The following KIF6 variants were observed in gnomAD, a reference collection of about 807,000 sequenced individuals.
KIF6 encodes kinesin family member 6.
In KIF6, 106 loss-of-function variants were observed where a neutral mutation model predicts 112.7. That is an observed-to-expected ratio of 0.94 (90% CI 0.80 to 1.11). KIF6 has a LOEUF of 1.11. KIF6 is among the 50% of genes least tolerant of loss of function. The pLI, the probability that KIF6 is intolerant of heterozygous loss-of-function variation, is 0.00. For synonymous variants in KIF6, 339 were observed against 339.9 expected, an observed-to-expected ratio of 1.00 and a Z score of 0.03; for missense variants, 929 against 964.0, an observed-to-expected ratio of 0.96 and a Z score of 0.48.
intron 6 of KIF6, among the ~76,000 whole-genome samples, chr6:39,609,345 A>G (rs1328740682): frequency 6.6e-6 from 1 of 152,190 alleles, no homozygotes; most frequent in Non-Finnish European, 1.5e-5. Context: ...CCCTGCAAGC[A>G]GTTTCACAGC....
chr6:39,533,543 G>A (rs1200684005), intron 13 of KIF6, among the ~76,000 whole-genome samples: 2 of 152,240 alleles, frequency 1.3e-5, no homozygotes, highest in Non-Finnish European at 2.9e-5. Context: ...CACAGTTCAA[G>A]GAGGCCTGCC....
At chr6:39,515,418 G>A (rs1452318815) in intron 13 of KIF6, among the ~76,000 whole-genome samples, 1 of 152,132 alleles carries the variant, frequency 6.6e-6, no homozygotes, top group African/African-American at 2.4e-5. Context: ...CCTCTCCTTG[G>A]GCGCAATCAT....
At chr6:39,504,550 A>C (rs547350236) in intron 13 of KIF6, among the ~76,000 whole-genome samples, 15 of 152,340 alleles carry the variant, frequency 9.8e-5, no homozygotes, top group Non-Finnish European at 1.8e-4. Context: ...GAAGAGAAGA[A>C]GTCAAACTAT....
In KIF6 at chr6:39,639,601, G is replaced by A. The variant is rs1422310293; in HGVS notation, c.399+9C>T. 4 of 1,548,504 alleles carry A rather than the reference G, an allele frequency of 2.6e-6. No individual in the cohort carries two copies. The African/African-American group carries it at 5.6e-5, about 22-fold the overall frequency. ...AAATACAAAATGATATGAACGAAAA[G>A]TTTCATACCTTTTGTAACTGTTCAA... is the stretch of plus-strand genomic sequence containing the variant. On this transcript the variant is annotated intron_variant, in intron 4 of 22. Transcript: ENST00000287152.
At chr6:39,514,800 T>C (rs764449769) in intron 13 of KIF6, among the ~76,000 whole-genome samples, 2 of 152,234 alleles carry the variant, frequency 1.3e-5, no homozygotes, top group Non-Finnish European at 2.9e-5. Flanking sequence ...TTTTCTCTAC[T>C]ATTTGGTTTA....
intron 22 of KIF6, 120 bp from the exon 23 acceptor site, chr6:39,336,668 C>T: frequency 1.2e-6 from 1 of 845,342 alleles, no homozygotes; most frequent in Non-Finnish European, 2.0e-6. Flanking sequence ...GGCACTGCAT[C>T]TGTGTCTTGC....
chr6:39,360,712 C>T (rs1765065720), intron 17 of KIF6, among the ~76,000 whole-genome samples, 182 bp from the exon 18 acceptor site: 1 of 152,158 alleles, frequency 6.6e-6, no homozygotes. Context: ...GAGTCCATCA[C>T]AGAGAAGCAG....
chr6:39,467,681 G>C (rs1185267788), intron 13 of KIF6, among the ~76,000 whole-genome samples: 2 of 152,136 alleles, frequency 1.3e-5, no homozygotes, highest in Non-Finnish European at 2.9e-5. Context: ...CCCCAGAAAA[G>C]GTGGGTGGGG....
intron 16 of KIF6, among the ~76,000 whole-genome samples, chr6:39,379,931 T>C (rs958334565): frequency 2.6e-5 from 4 of 152,236 alleles, no homozygotes; most frequent in Admixed American, 6.5e-5. Context: ...GTGAGGATAA[T>C]AGTAACATCT....
intron 13 of KIF6, among the ~76,000 whole-genome samples, chr6:39,441,505 G>A (rs1230757333): frequency 2.0e-5 from 3 of 152,112 alleles, no homozygotes; most frequent in Non-Finnish European, 4.4e-5. Context: ...TCCACCTCCA[G>A]GGTGATGGAG....
At position 39,346,049 on chromosome 6, in the gene KIF6, G is replaced by GCTCTCTCTCTCTCTCTCTCT. The variant is rs1203700665; in HGVS notation, c.2232-280_2232-261dup. Among the ~76,000 whole-genome samples, 21 of 29,004 alleles carry GCTCTCTCTCTCTCTCTCTCT rather than the reference G, an allele frequency of 7.2e-4. 5 individuals are homozygous for GCTCTCTCTCTCTCTCTCTCT. Among genetic ancestry groups the GCTCTCTCTCTCTCTCTCTCT allele is most frequent in the African/African-American group, 1.7e-3 (13 of 7,854 alleles). 19.0% of individuals were successfully genotyped at this position (29,004 alleles called of 152,430 possible). A position where few individuals can be genotyped will look rare whatever the true frequency, so the allele number is the denominator to read the frequency against. The stretch of plus-strand genomic sequence containing the variant: ...TAAGAGGAGGATGAGAAACTACAGT[G>GCTCTCTCTCTCTCTCTCTCT]CTCTCTCTCTCTCTCTCTCTCTCTC... On this transcript the variant is annotated intron_variant, in intron 20 of 22. Transcript: ENST00000287152.
At chr6:39,710,582 A>G (rs1284560564) in intron 3 of KIF6, among the ~76,000 whole-genome samples, 3 of 152,148 alleles carry the variant, frequency 2.0e-5, no homozygotes, top group South Asian at 2.1e-4. Flanking sequence ...GAAAAATAAT[A>G]GCAAAAATTA....
At chr6:39,556,562 C>T (rs1019085647) in intron 10 of KIF6, among the ~76,000 whole-genome samples, 5 of 152,100 alleles carry the variant, frequency 3.3e-5, no homozygotes, top group African/African-American at 9.7e-5. Context: ...TGTTGAGAAG[C>T]CACCAAAGCA....
At chr6:39,626,109 T>G (rs897580787) in intron 5 of KIF6, among the ~76,000 whole-genome samples, 3 of 152,142 alleles carry the variant, frequency 2.0e-5, no homozygotes, top group Non-Finnish European at 4.4e-5. Context: ...TGGTGGAGCC[T>G]ACTCCAGTCT....
chr6:39,425,116 G>T (rs913105275), intron 14 of KIF6, among the ~76,000 whole-genome samples: 3 of 152,170 alleles, frequency 2.0e-5, no homozygotes, highest in Non-Finnish European at 4.4e-5. Context: ...GAGAGGGGCT[G>T]GTGTTCGTTC....
intron 1 of KIF6, 95 bp downstream of exon 1, chr6:39,725,150 G>A: frequency 1.9e-6 from 2 of 1,044,826 alleles, no homozygotes; most frequent in South Asian, 3.1e-5. Flanking sequence ...CCACCAGCAA[G>A]CCCCTCACCT....
intron 13 of KIF6, chr6:39,431,424 CG>C (rs1280751073): frequency 4.4e-5 from 15 of 342,624 alleles, no homozygotes; most frequent in African/African-American, 2.3e-4. Flanking sequence ...AATGCCTGCT[CG>C]GGGGAAATGA....
intron 15 of KIF6, among the ~76,000 whole-genome samples, chr6:39,418,623 A>G (rs75682678): frequency 0.042 from 6,412 of 152,128 alleles, 167 homozygotes; most frequent in Non-Finnish European, 0.046. Context: ...GTTAGTAGAA[A>G]TACAGGGGCA....
intron 15 of KIF6, among the ~76,000 whole-genome samples, chr6:39,416,505 T>C (rs968640054): frequency 6.6e-6 from 1 of 152,194 alleles, no homozygotes; most frequent in East Asian, 1.9e-4. Context: ...AGATTTTAAA[T>C]TGGTTACTCC....
Sources: gnomAD v4.1 joint callset for allele counts (sites outside exome capture counted in the v4.1 genomes callset) on GRCh38, gnomAD v4.1.1 for gene constraint, MANE v1.5 for transcripts, NCBI Gene and HGNC (gene_info 2026-07-23, HGNC 2026-07-21) for gene names.